Variants in FGFR2 observed in about 807,000 individuals in gnomAD.
FGFR2 encodes the protein BEK fibroblast growth factor receptor.
Under a neutral mutation model 95.9 loss-of-function variants are expected in FGFR2, and 19 were observed. That is an observed-to-expected ratio of 0.20 (90% CI 0.14 to 0.29). FGFR2 has a LOEUF of 0.29. Ranked by LOEUF, FGFR2 falls within the 10% of genes least tolerant of loss-of-function variation. FGFR2 has a pLI of 1.00. For missense variants in FGFR2, 707 were observed against 1,056.9 expected (o/e 0.67, Z 4.59); for synonymous variants, 392 against 393.3 (o/e 1.00, Z 0.04).
At position 121,518,738 on chromosome 10, in the gene FGFR2, T is replaced by G; in HGVS notation, c.939+1241A>C. The G allele has an allele frequency of 6.2e-7, 1 of 1,614,182 alleles. No homozygotes were observed. Among genetic ancestry groups the G allele is most frequent in the Non-Finnish European group, 8.5e-7 (1 of 1,180,012 alleles). ...AGACTGGTTGGCCTGCCCTATATAA[T>G]TGGAGACCTTACATATATATTCCCC... On this transcript the variant is annotated intron_variant, in intron 7 of 17. Transcript: ENST00000358487. This position sits in a 1 kb window ranked among gnomAD's most constrained non-coding sequence, Gnocchi z 4.0.
chr10:121,487,983 C>A lies in FGFR2; in HGVS notation c.1986+8G>T, dbSNP rs191042642. The A allele has an allele frequency of 4.3e-6, 7 of 1,614,006 alleles. No homozygotes were observed. The highest frequency in any genetic ancestry group is 5.9e-6 in the Non-Finnish European group (7 of 1,179,962). ...CCCCTGCCCACTGTGTTACTGCCAT[C>A]GACTTACATTGGTGGTCTTTTTGTA... is the stretch of plus-strand genomic sequence containing the variant. On this transcript the variant is annotated splice_region_variant and intron_variant, in intron 14 of 17. Transcript: ENST00000358487.
In FGFR2 at chr10:121,479,577, A is replaced by T; in HGVS notation, c.*280T>A. ...GAAGGCAGAACGCACGTCCACCTTG[A>T]GTCCTACTGGTCCACAGCCAGTACG... On this transcript the variant is annotated 3_prime_UTR_variant, in exon 18 of 18. Coordinates refer to ENST00000358487, the MANE Select transcript of FGFR2 (RefSeq NM_000141.5). 1.9e-6 allele frequency: 3 copies of T among 1,545,954 alleles called. No individual in the cohort carries two copies. Among genetic ancestry groups the T allele is most frequent in the Non-Finnish European group, 2.6e-6 (3 of 1,144,046 alleles).
At chr10:121,564,690 C>T (rs764659695) in intron 3 of FGFR2, 111 bp from the exon 4 acceptor site, 255 of 897,958 alleles carry the variant, frequency 2.8e-4, no homozygotes, top group Non-Finnish European at 4.3e-4. Flanking sequence ...CAGGAACCCT[C>T]GCAAAGAGCC....
At chr10:121,526,011 C>T (rs77295559) in intron 6 of FGFR2, 12,080 of 394,636 alleles carry the variant, frequency 0.031, 238 homozygotes, top group Non-Finnish European at 0.042. Context: ...CTCCGGCAGT[C>T]ACACACCAAG....
Position 121,534,389 on chromosome 10 carries a change from G to A in FGFR2, c.748+4203C>T, listed in dbSNP as rs1279712289. Among the ~76,000 whole-genome samples the A allele has an allele frequency of 8.1e-5, 12 of 148,500 alleles. No individual in the cohort carries two copies. The East Asian group carries it at 2.2e-3, about 28-fold the overall frequency. ...TGGGATTACAGGTGTGAGCCACCGC[G>A]CCCGGCTTTCTTTTTTCTTTTTTGA... On this transcript the variant is annotated intron_variant, in intron 6 of 17. Coordinates refer to ENST00000358487, the MANE Select transcript of FGFR2 (RefSeq NM_000141.5).
At chr10:121,507,944 C>T (rs1848539540) in intron 9 of FGFR2, among the ~76,000 whole-genome samples, 2 of 152,126 alleles carry the variant, frequency 1.3e-5, no homozygotes, top group African/African-American at 4.8e-5. Context: ...AATAACAATA[C>T]AACAATTTTA....
intron 2 of FGFR2, among the ~76,000 whole-genome samples, chr10:121,576,959 A>AC (rs1201935930): frequency 1.3e-5 from 2 of 150,032 alleles, no homozygotes; most frequent in Non-Finnish European, 3.0e-5. Context: ...ACATGGGGAG[A>AC]CCCCATCTCT....
rs564516303 is a variant in FGFR2 at position 121,485,799 on chromosome 10, G to A, written c.2058-267C>T. ...AATAGAGCTGCTTGTCTTAAATGTG[G>A]TGTTAGCAATGCAAGGATCTCAGTT... On this transcript the variant is annotated intron_variant, in intron 15 of 17. Coordinates refer to ENST00000358487, the MANE Select transcript of FGFR2 (RefSeq NM_000141.5). The surrounding 1 kb of genome is among the most constrained non-coding windows in gnomAD (Gnocchi z 4.2). 6.6e-6 allele frequency among the ~76,000 whole-genome samples: 1 copy of A among 152,314 alleles called. No homozygotes were observed. Among genetic ancestry groups the A allele is most frequent in the South Asian group, 2.1e-4 (1 of 4,828 alleles).
At chr10:121,486,909 T>TA (rs1845486833) in intron 15 of FGFR2, among the ~76,000 whole-genome samples, 1 of 152,208 alleles carries the variant, frequency 6.6e-6, no homozygotes, top group Non-Finnish European at 1.5e-5. Context: ...GTAGACCCTG[T>TA]GGAGGTCCCC....
At chr10:121,493,166 G>A (rs981946773) in intron 13 of FGFR2, among the ~76,000 whole-genome samples, 1 of 152,154 alleles carries the variant, frequency 6.6e-6, no homozygotes, top group African/African-American at 2.4e-5. Context: ...TGAGGGCTAC[G>A]TAAGATGCTT....
In FGFR2 at chr10:121,479,506, G is replaced by A; in HGVS notation, c.*351C>T. The A allele has an allele frequency of 2.5e-6, 3 of 1,198,442 alleles. No individual in the cohort carries two copies. Among genetic ancestry groups the A allele is most frequent in the East Asian group, 5.1e-5 (2 of 38,980 alleles). The allele number at this position is 1,198,442 out of a possible 1,614,324, so 74.2% of individuals were successfully genotyped here. A position where few individuals can be genotyped will look rare whatever the true frequency, so the allele number is the denominator to read the frequency against. On this transcript the variant is annotated 3_prime_UTR_variant, in exon 18 of 18. Coordinates refer to ENST00000358487, the MANE Select transcript of FGFR2 (RefSeq NM_000141.5). The stretch of plus-strand genomic sequence containing the variant: ...TATATACTGCATTTGTGCTCTGTAA[G>A]TGTGTGCTGACATAAATCTTCTCCA...
chr10:121,581,925 T>C (rs1301092902), intron 2 of FGFR2, among the ~76,000 whole-genome samples: 1 of 126,652 alleles, frequency 7.9e-6, no homozygotes, highest in African/African-American at 3.3e-5. Flanking sequence ...TTTTGTTTAT[T>C]TATTTTGATT....
chr10:121,499,818 A>C (rs1445177364), intron 11 of FGFR2, among the ~76,000 whole-genome samples: 9 of 152,242 alleles, frequency 5.9e-5, no homozygotes. Flanking sequence ...GGAACATCTC[A>C]AAGCACTCTA....
chr10:121,520,654 C>A (rs1440443792), intron 6 of FGFR2, among the ~76,000 whole-genome samples: 6 of 151,410 alleles, frequency 4.0e-5, no homozygotes, highest in African/African-American at 1.5e-4. Flanking sequence ...ATTTTTTTTT[C>A]TTTTCTCAGA....
At chr10:121,524,133 CACACACACA>C (rs1850971439) in intron 6 of FGFR2, among the ~76,000 whole-genome samples, 2 of 149,280 alleles carry the variant, frequency 1.3e-5, no homozygotes, top group South Asian at 2.2e-4. Context: ...CACACACACA[CACACACACA>C]CACACCCCAA....
At chr10:121,571,127 T>C (rs1162675361) in intron 2 of FGFR2, among the ~76,000 whole-genome samples, 1 of 146,484 alleles carries the variant, frequency 6.8e-6, no homozygotes, top group African/African-American at 2.5e-5. Context: ...TAGCTGGGAC[T>C]ACAGGAGCCT....
intron 2 of FGFR2, among the ~76,000 whole-genome samples, chr10:121,592,024 T>C (rs1862730306): frequency 6.6e-6 from 1 of 152,232 alleles, no homozygotes; most frequent in Admixed American, 6.5e-5. Flanking sequence ...CATTTTACAC[T>C]TTATGTTGAA....
chr10:121,551,266 G>A (rs374810926), intron 5 of FGFR2, 24 bp downstream of exon 5: 15 of 1,611,658 alleles, frequency 9.3e-6, no homozygotes, highest in Non-Finnish European at 1.3e-5. Flanking sequence ...TAAGAAATGT[G>A]ATGTTCTGAA....
At chr10:121,538,305 A>G in intron 6 of FGFR2, 1 of 774,812 alleles carries the variant, frequency 1.3e-6, no homozygotes, top group Non-Finnish European at 2.4e-6. Context: ...ACATTTTCAG[A>G]GTAATCTCAG....
Sources: allele counts gnomAD v4.1 joint callset (sites outside exome capture counted in the v4.1 genomes callset), GRCh38; gene constraint gnomAD v4.1.1; non-coding constraint Gnocchi (gnomAD v3.1); transcripts MANE v1.5; gene names NCBI Gene and HGNC (gene_info 2026-07-23, HGNC 2026-07-21).